SNX29: variants seen among roughly 807,000 people sequenced by gnomAD.
The protein encoded by SNX29 is sorting nexin-29.
A neutral mutation model predicts 102.1 loss-of-function variants in SNX29; 78 were observed. That is an observed-to-expected ratio of 0.76 (90% CI 0.64 to 0.92). The LOEUF (loss-of-function observed/expected upper bound fraction) is 0.92. SNX29 is among the 40% of genes least tolerant of loss of function. The pLI, the probability that SNX29 is intolerant of heterozygous loss-of-function variation, is 0.00. For missense variants in SNX29, 1,280 were observed against 1,061.7 expected (o/e 1.21, Z -2.86); for synonymous variants, 580 against 414.5 (o/e 1.40, Z -4.85).
chr16:11,978,355 C>G (rs1310260197), intron 1 of SNX29, among the ~76,000 whole-genome samples: 1 of 152,242 alleles, frequency 6.6e-6, no homozygotes, highest in Admixed American at 6.5e-5. Flanking sequence ...GGGTTCAAAT[C>G]TTGGCCCTGC....
intron 18 of SNX29, among the ~76,000 whole-genome samples, chr16:12,414,606 C>G (rs1337591492): frequency 6.6e-6 from 1 of 152,202 alleles, no homozygotes; most frequent in Non-Finnish European, 1.5e-5. Context: ...CTGGTCTTTT[C>G]TGCTCCCTCA....
intron 18 of SNX29, among the ~76,000 whole-genome samples, chr16:12,427,706 G>C (rs1360046492): frequency 1.3e-5 from 2 of 152,244 alleles, no homozygotes; most frequent in Non-Finnish European, 2.9e-5. Flanking sequence ...GTCACAGTGG[G>C]AAGAGGGTGC....
intron 14 of SNX29, among the ~76,000 whole-genome samples, chr16:12,275,247 G>T (rs960515209): frequency 6.6e-6 from 1 of 152,052 alleles, no homozygotes; most frequent in Non-Finnish European, 1.5e-5. Flanking sequence ...CCATTCCCTG[G>T]CTTAGAGGCA....
chr16:12,457,095 T>C (rs1047387715), intron 18 of SNX29, among the ~76,000 whole-genome samples: 17 of 152,204 alleles, frequency 1.1e-4, no homozygotes, highest in African/African-American at 3.9e-4. Flanking sequence ...CCTTACTAAG[T>C]AGCAATACAT....
At chr16:11,980,965 CTTTT>C (rs1289274238) in intron 1 of SNX29, among the ~76,000 whole-genome samples, 1 of 141,906 alleles carries the variant, frequency 7.0e-6, no homozygotes. Flanking sequence ...TTTTCATTTT[CTTTT>C]TTTTTTTTTG....
At chr16:12,100,516 C>T (rs1035520391) in intron 11 of SNX29, among the ~76,000 whole-genome samples, 4 of 152,198 alleles carry the variant, frequency 2.6e-5, no homozygotes, top group South Asian at 2.1e-4. Context: ...AGAGGAAGGA[C>T]GGTGCATGCT....
At chr16:12,439,405 T>C (rs2085695949) in intron 18 of SNX29, among the ~76,000 whole-genome samples, 1 of 152,172 alleles carries the variant, frequency 6.6e-6, no homozygotes, top group Admixed American at 6.5e-5. Context: ...TTTACACTTG[T>C]GATAAAGACA....
In SNX29 at chr16:12,013,500, AATATATATATATATATATATATAT is replaced by A. The variant is rs66491414; in HGVS notation, c.122+10476_122+10499del. ...GTCTCTACTGGGGGAAAAAAAAAAA[AATATATATATATATATATATATAT>A]ATATATATATATATATATCGAGAGA... is the stretch of plus-strand genomic sequence containing the variant. On this transcript the variant is annotated intron_variant, in intron 3 of 20. Transcript: ENST00000566228. Among the ~76,000 whole-genome samples, 58 of 31,630 alleles carry A rather than the reference AATATATATATATATATATATATAT, an allele frequency of 1.8e-3. 5 individuals carry two copies. Among genetic ancestry groups the A allele is most frequent in the South Asian group, 9.9e-3 (7 of 706 alleles). 20.8% of individuals were successfully genotyped at this position (31,630 alleles called of 152,430 possible).
chr16:12,516,703 TGAAAA>T (rs1313181923), intron 19 of SNX29, among the ~76,000 whole-genome samples: 1 of 152,160 alleles, frequency 6.6e-6, no homozygotes, highest in Non-Finnish European at 1.5e-5. Context: ...TGTTCCTTGA[TGAAAA>T]GAAAAAGAAC....
chr16:12,463,384 C>T (rs775301745), intron 18 of SNX29, among the ~76,000 whole-genome samples: 3 of 152,172 alleles, frequency 2.0e-5, no homozygotes, highest in African/African-American at 4.8e-5. Flanking sequence ...CTCACAGTTC[C>T]ACATGGCTAA....
intron 1 of SNX29, among the ~76,000 whole-genome samples, chr16:11,994,641 T>C (rs1460089518): frequency 6.6e-6 from 1 of 152,222 alleles, no homozygotes; most frequent in Non-Finnish European, 1.5e-5. Context: ...TGTCAAGGAT[T>C]AAATAGGTCA....
At chr16:12,416,596 G>A (rs966756662) in intron 18 of SNX29, among the ~76,000 whole-genome samples, 3 of 152,208 alleles carry the variant, frequency 2.0e-5, no homozygotes, top group Admixed American at 6.5e-5. Context: ...AAGAGAAGAG[G>A]TTTCTTTGGC....
At chr16:12,147,843 G>T (rs761695182) in intron 13 of SNX29, among the ~76,000 whole-genome samples, 1 of 152,232 alleles carries the variant, frequency 6.6e-6, no homozygotes, top group East Asian at 1.9e-4. Context: ...ATGCCCTGCA[G>T]GCGGTGACAG....
rs377112794 is a variant in SNX29, at chr16:12,566,783, G to A, written c.2319-1723G>A. ...CCTAAAGGAGGAAAGCACAGCACAC[G>A]CCAGGCTGGTTGGGCTCAGAGATGA... is the stretch of plus-strand genomic sequence containing the variant. On this transcript the variant is annotated intron_variant, in intron 20 of 20. Transcript: ENST00000566228. 2.5e-4 allele frequency among the ~76,000 whole-genome samples: 38 copies of A among 152,338 alleles called. 1 individual carries two copies. In the South Asian group the frequency reaches 6.4e-3, roughly 26 times the overall value.
At chr16:11,996,724 A>G (rs1405381048) in intron 1 of SNX29, among the ~76,000 whole-genome samples, 1 of 152,112 alleles carries the variant, frequency 6.6e-6, no homozygotes, top group Non-Finnish European at 1.5e-5. Context: ...GGTGTTAGGG[A>G]GGGAAGATCA....
At chr16:12,563,883 G>C (rs4781260) in intron 20 of SNX29, among the ~76,000 whole-genome samples, 122,537 of 151,966 alleles carry the variant, frequency 0.81, 50,248 homozygotes, top group African/African-American at 0.88. Flanking sequence ...CTAGCCCCTT[G>C]GGCCTCTGCC....
At chr16:12,011,663 A>G (rs2056659568) in intron 3 of SNX29, among the ~76,000 whole-genome samples, 1 of 152,092 alleles carries the variant, frequency 6.6e-6, no homozygotes, top group East Asian at 1.9e-4. Flanking sequence ...GCCATAATAA[A>G]CATTATGTTA....
chr16:12,403,255 T>G (rs2113333), intron 17 of SNX29, among the ~76,000 whole-genome samples, 193 bp from the exon 18 acceptor site: 36,958 of 100,434 alleles, frequency 0.37, 5,300 homozygotes, highest in Non-Finnish European at 0.43. Context: ...TGTGTGTGTG[T>G]AGAGAGAGAC....
intron 4 of SNX29, among the ~76,000 whole-genome samples, chr16:12,034,847 T>C (rs1268924835): frequency 6.6e-6 from 1 of 151,934 alleles, no homozygotes; most frequent in Non-Finnish European, 1.5e-5. Context: ...CCTGTCTCCA[T>C]TAAAAATACA....
Sources: allele counts gnomAD v4.1 joint callset (sites outside exome capture counted in the v4.1 genomes callset), GRCh38; gene constraint gnomAD v4.1.1; transcripts MANE v1.5; gene names NCBI Gene and HGNC (gene_info 2026-07-23, HGNC 2026-07-21).